Variants in MAST4 observed in about 807,000 individuals in gnomAD.
The protein encoded by MAST4 is microtubule-associated serine/threonine-protein kinase 4.
Under a neutral mutation model 162.7 loss-of-function variants are expected in MAST4, and 89 were observed. The ratio of observed to expected loss-of-function variants is 0.55; its 90% CI spans 0.46 to 0.65. The LOEUF is 0.65. Among genes scored for constraint, MAST4 ranks in the 30% least tolerant of loss-of-function variants. MAST4 has a pLI of 0.00. For missense variants in MAST4, 3,153 were observed against 3,374.0 expected (o/e 0.93, Z 1.62); for synonymous variants, 1,479 against 1,361.1 (o/e 1.09, Z -1.91).
chr5:66,761,730 C>CA, intron 2 of MAST4, among the ~76,000 whole-genome samples: 1 of 151,936 alleles, frequency 6.6e-6, no homozygotes, highest in East Asian at 1.9e-4. Flanking sequence ...AGAAATTCAT[C>CA]AAAAAAACTG....
chr5:66,710,983 G>A (rs893289455), intron 1 of MAST4, among the ~76,000 whole-genome samples: 40 of 152,186 alleles, frequency 2.6e-4, no homozygotes, highest in African/African-American at 9.2e-4. Context: ...TATTCCAGAA[G>A]CATCCTCATC....
chr5:67,004,155 G>A lies in MAST4; in HGVS notation c.675-50249G>A, dbSNP rs546998188. On this transcript the variant is annotated intron_variant, in intron 4 of 28. Coordinates refer to ENST00000403625, the MANE Select transcript of MAST4 (RefSeq NM_001164664.2). ...ATCCATTCCGGGCTCCGGGGAGGGG[G>A]AGCGGCGGCCCAGGCTGCGGGGCTG... Among the ~76,000 whole-genome samples, 67 of 152,262 alleles carry A rather than the reference G, an allele frequency of 4.4e-4. No homozygotes were observed. The South Asian group carries it at 0.013, about 31-fold the overall frequency.
rs569125412 is a variant in MAST4 at position 66,740,350 on chromosome 5, G to A, written c.364-19359G>A. ...TTGAGGAACACAGTGAAAACGTGCT[G>A]TCTCTTAAATTTAAATTATGTTTGC... On this transcript the variant is annotated intron_variant, in intron 1 of 28. Transcript: ENST00000403625. Among the ~76,000 whole-genome samples, 165 of 152,308 alleles carry A rather than the reference G, an allele frequency of 1.1e-3. 1 individual carries two copies. Among genetic ancestry groups the A allele is most frequent in the African/African-American group, 3.7e-3 (155 of 41,568 alleles).
At chr5:66,913,667 C>G (rs923972584) in intron 4 of MAST4, among the ~76,000 whole-genome samples, 1 of 152,140 alleles carries the variant, frequency 6.6e-6, no homozygotes, top group Non-Finnish European at 1.5e-5. Context: ...TTTATTAATT[C>G]GTTCTTTAAA....
At chr5:66,772,849 G>A (rs1754420449) in intron 2 of MAST4, among the ~76,000 whole-genome samples, 1 of 152,168 alleles carries the variant, frequency 6.6e-6, no homozygotes, top group Non-Finnish European at 1.5e-5. Context: ...GAGTTGAGTA[G>A]TAAATAATTT....
In MAST4 at chr5:66,725,133, G is replaced by A. The variant is rs149374888; in HGVS notation, c.364-34576G>A. On this transcript the variant is annotated intron_variant, in intron 1 of 28. Coordinates refer to ENST00000403625, the MANE Select transcript of MAST4 (RefSeq NM_001164664.2). Reference sequence around the variant, plus strand: ...AAATTTCTGCCAATTTTGTTCAATTGATATCTTAAGGACAAAGTGATACTG... The same window carrying A: ...AAATTTCTGCCAATTTTGTTCAATTAATATCTTAAGGACAAAGTGATACTG... 8.4e-4 allele frequency among the ~76,000 whole-genome samples: 127 copies of A among 151,422 alleles called. 1 individual carries two copies. The highest frequency in any genetic ancestry group is 3.0e-3 in the African/African-American group (122 of 41,244).
At chr5:66,731,418 T>TAGAACAAGGTGTTTGCATATAG (rs1751850172) in intron 1 of MAST4, among the ~76,000 whole-genome samples, 2 of 152,206 alleles carry the variant, frequency 1.3e-5, no homozygotes, top group African/African-American at 4.8e-5. Flanking sequence ...GATGGCAACC[T>TAGAACAAGGTGTTTGCATATAG]ATCAATTTTT....
chr5:66,971,931 A>G (rs1214417048), intron 4 of MAST4, among the ~76,000 whole-genome samples: 1 of 152,156 alleles, frequency 6.6e-6, no homozygotes, highest in African/African-American at 2.4e-5. Context: ...GATTTCTTGG[A>G]GAGCATAAGA....
intron 4 of MAST4, among the ~76,000 whole-genome samples, chr5:66,919,138 A>AC (rs1561445054): frequency 3.3e-5 from 5 of 151,054 alleles, no homozygotes; most frequent in Non-Finnish European, 1.5e-5. Context: ...ACACACACAC[A>AC]AATTTGAGAT....
chr5:66,807,599 G>T (rs186336540), intron 3 of MAST4, among the ~76,000 whole-genome samples: 1 of 151,722 alleles, frequency 6.6e-6, no homozygotes, highest in Non-Finnish European at 1.5e-5. Flanking sequence ...CTATTTTTAT[G>T]TGTATCCATT....
chr5:67,043,537 T>C (rs1179256080), intron 4 of MAST4, among the ~76,000 whole-genome samples: 1 of 152,180 alleles, frequency 6.6e-6, no homozygotes, highest in Admixed American at 6.5e-5. Context: ...CTGTCTAAGG[T>C]CTTTTCAAGA....
intron 5 of MAST4, among the ~76,000 whole-genome samples, chr5:67,080,121 G>A (rs1762429282): frequency 6.6e-6 from 1 of 152,194 alleles, no homozygotes; most frequent in Admixed American, 6.5e-5. Context: ...CTTCAGAAAG[G>A]TTAGCATTCC....
Position 66,788,776 on chromosome 5 carries a change from C to G in MAST4, c.624C>G (p.Pro208=). 2 of 1,596,076 alleles carry G rather than the reference C, an allele frequency of 1.3e-6. No homozygotes were observed. The highest frequency in any genetic ancestry group is 2.2e-5 in the East Asian group (1 of 44,448). The part of the protein sequence containing the change: ...MRSQALGQSA[P]SLTASLKELS... ...GCCAGGCCCTGGGCCAGTCGGCGCCCTCGCTCACCGCCAGCCTGGTGAGTG... is the reference window on the plus strand; with the variant it reads ...GCCAGGCCCTGGGCCAGTCGGCGCCGTCGCTCACCGCCAGCCTGGTGAGTG... The change falls in exon 3 of 29, where the codon CCC becomes CCG. Residue 208 remains proline, a synonymous_variant. Coordinates refer to ENST00000403625, the MANE Select transcript of MAST4 (RefSeq NM_001164664.2).
At chr5:67,131,683 C>A in intron 15 of MAST4, 130 bp from the exon 16 acceptor site, 3 of 812,956 alleles carry the variant, frequency 3.7e-6, no homozygotes, top group Non-Finnish European at 5.8e-6. Context: ...AACACATAGA[C>A]TCCAGTTGTG....
chr5:66,832,944 A>C (rs1757714171), intron 3 of MAST4, among the ~76,000 whole-genome samples: 1 of 152,184 alleles, frequency 6.6e-6, no homozygotes, highest in Non-Finnish European at 1.5e-5. Context: ...TTATTAGACA[A>C]ATCAATGCCA....
chr5:66,916,132 T>A (rs957353474), intron 4 of MAST4, among the ~76,000 whole-genome samples: 3 of 152,210 alleles, frequency 2.0e-5, no homozygotes, highest in African/African-American at 7.2e-5. Context: ...GTATATTGGG[T>A]TAAATGTTAT....
chr5:66,678,249 C>A (rs888946304), intron 1 of MAST4, among the ~76,000 whole-genome samples: 2 of 150,736 alleles, frequency 1.3e-5, no homozygotes, highest in Non-Finnish European at 3.0e-5. Context: ...TTGTCTGGGG[C>A]TGGTGGGGGT....
At chr5:67,073,032 A>T (rs1051696362) in intron 5 of MAST4, among the ~76,000 whole-genome samples, 5 of 152,250 alleles carry the variant, frequency 3.3e-5, no homozygotes, top group Admixed American at 6.5e-5. Flanking sequence ...TGTGTGTTTA[A>T]CTGTTTTCTT....
intron 3 of MAST4, among the ~76,000 whole-genome samples, chr5:66,856,240 C>G (rs915275062): frequency 6.6e-6 from 1 of 152,168 alleles, no homozygotes; most frequent in Non-Finnish European, 1.5e-5. Flanking sequence ...CCCACTGTGG[C>G]TAAGGCTGAT....
Sources: gnomAD v4.1 joint callset for allele counts (sites outside exome capture counted in the v4.1 genomes callset) on GRCh38, gnomAD v4.1.1 for gene constraint, MANE v1.5 for transcripts, NCBI Gene and HGNC (gene_info 2026-07-23, HGNC 2026-07-21) for gene names.